PPFIA2: variants seen among roughly 807,000 people sequenced by gnomAD.
PPFIA2 encodes the protein PPFI scaffold protein A2, also known as liprin-alpha-2.
In PPFIA2, 46 loss-of-function variants were observed where a neutral mutation model predicts 175.5. The ratio of observed to expected loss-of-function variants is 0.26; its 90% CI spans 0.21 to 0.34. The LOEUF is 0.34. Among genes scored for constraint, PPFIA2 ranks in the 10% least tolerant of loss-of-function variants. The probability of loss-of-function intolerance (pLI) is 1.00; values close to 1 mark genes in which losing one functional copy is unlikely to be tolerated. For missense variants in PPFIA2, 1,179 were observed against 1,506.1 expected (o/e 0.78, Z 3.60); for synonymous variants, 568 against 511.4 (o/e 1.11, Z -1.49).
chr12:81,758,675 T>C (rs376994398), intron 1 of PPFIA2, 168 bp from the exon 2 acceptor site: 22 of 330,690 alleles, frequency 6.7e-5, no homozygotes, highest in Non-Finnish European at 1.0e-4. Context: ...AAATTTTGCT[T>C]TGGGAAGCAA....
chr12:81,409,430 G>A (rs1335857021), intron 7 of PPFIA2, among the ~76,000 whole-genome samples: 2 of 152,102 alleles, frequency 1.3e-5, no homozygotes, highest in African/African-American at 4.8e-5. Flanking sequence ...AATGGATTAA[G>A]GCTGTTATCT....
intron 4 of PPFIA2, among the ~76,000 whole-genome samples, chr12:81,458,622 G>A (rs998312048): frequency 6.6e-6 from 1 of 152,032 alleles, no homozygotes; most frequent in African/African-American, 2.4e-5. Context: ...ACACTGTGAA[G>A]GAATCTTCAT....
chr12:81,408,129 A>T lies in PPFIA2; in HGVS notation c.646-2226T>A, dbSNP rs1042695078. On this transcript the variant is annotated intron_variant, in intron 7 of 32. Transcript: ENST00000549396. Reference sequence around the variant, plus strand: ...GATAAAGATTTGGAGTGTAAAAAAAACTTCAGAAACATTCTTTTCACATTA... The same window carrying T: ...GATAAAGATTTGGAGTGTAAAAAAATCTTCAGAAACATTCTTTTCACATTA... Among the ~76,000 whole-genome samples the T allele has an allele frequency of 1.1e-4, 17 of 152,172 alleles. No homozygotes were observed. In the South Asian group the frequency reaches 1.9e-3, roughly 17 times the overall value.
At chr12:81,320,288 T>C (rs368074390) in intron 22 of PPFIA2, among the ~76,000 whole-genome samples, 3 of 152,118 alleles carry the variant, frequency 2.0e-5, no homozygotes, top group South Asian at 2.1e-4. Context: ...AGTAAATCTA[T>C]AGAGCTTAAC....
At chr12:81,350,931 A>G (rs1433209551) in intron 17 of PPFIA2, among the ~76,000 whole-genome samples, 3 of 152,186 alleles carry the variant, frequency 2.0e-5, no homozygotes, top group Non-Finnish European at 4.4e-5. Flanking sequence ...AAAAGACTTA[A>G]AACCTGTTCA....
intron 4 of PPFIA2, among the ~76,000 whole-genome samples, chr12:81,664,957 T>C: frequency 6.6e-6 from 1 of 151,604 alleles, no homozygotes; most frequent in African/African-American, 2.4e-5. Flanking sequence ...AAACACCACA[T>C]GTTCTCACTC....
chr12:81,288,189 TG>T (rs1206747050), intron 24 of PPFIA2, among the ~76,000 whole-genome samples: 3 of 151,834 alleles, frequency 2.0e-5, no homozygotes, highest in Non-Finnish European at 4.4e-5. Context: ...GGACTAAAAG[TG>T]CATGCTCCAG....
chr12:81,721,714 C>T (rs996742061), intron 3 of PPFIA2, among the ~76,000 whole-genome samples: 1 of 151,204 alleles, frequency 6.6e-6, no homozygotes, highest in African/African-American at 2.4e-5. Context: ...AGCAACTCAA[C>T]CTTTTTTGTC....
At chr12:81,581,915 T>C (rs2074474496) in intron 4 of PPFIA2, among the ~76,000 whole-genome samples, 1 of 151,886 alleles carries the variant, frequency 6.6e-6, no homozygotes. Context: ...TATTTTCTCT[T>C]CAACCTTGAG....
At chr12:81,618,267 G>GTA (rs1455836634) in intron 4 of PPFIA2, among the ~76,000 whole-genome samples, 3 of 151,782 alleles carry the variant, frequency 2.0e-5, no homozygotes, top group African/African-American at 4.8e-5. Context: ...GTGTGTGTGT[G>GTA]TGTGTGTGTG....
At chr12:81,521,011 A>C (rs2063055471) in intron 4 of PPFIA2, among the ~76,000 whole-genome samples, 2 of 152,330 alleles carry the variant, frequency 1.3e-5, no homozygotes, top group South Asian at 4.1e-4. Context: ...ATAATAGCAG[A>C]AATGTCTATT....
intron 7 of PPFIA2, among the ~76,000 whole-genome samples, chr12:81,425,698 G>A (rs949529462): frequency 1.3e-5 from 2 of 151,988 alleles, no homozygotes; most frequent in African/African-American, 4.8e-5. Flanking sequence ...TAATTGTTTT[G>A]TAATTTTCTT....
chr12:81,588,587 C>T lies in PPFIA2; in HGVS notation c.303+88204G>A, dbSNP rs552803261. Among the ~76,000 whole-genome samples, 56 of 152,184 alleles carry T rather than the reference C, an allele frequency of 3.7e-4. No homozygotes were observed. In the South Asian group the frequency reaches 5.0e-3, roughly 14 times the overall value. On this transcript the variant is annotated intron_variant, in intron 4 of 32. Transcript: ENST00000549396. ...TGAACTTAATATATTGTTTTCCAAA[C>T]GGCTCCTTCTCCATATTCATCTCTC...
At chr12:81,574,016 T>C (rs950608739) in intron 4 of PPFIA2, among the ~76,000 whole-genome samples, 1 of 151,934 alleles carries the variant, frequency 6.6e-6, no homozygotes, top group African/African-American at 2.4e-5. Context: ...TGTCCAGATC[T>C]GAGATCATAA....
chr12:81,480,630 CTTTGTA>C (rs2058096975), intron 4 of PPFIA2, among the ~76,000 whole-genome samples: 1 of 152,120 alleles, frequency 6.6e-6, no homozygotes, highest in Admixed American at 6.6e-5. Context: ...GATGCTCTTC[CTTTGTA>C]TTTGTTAGTT....
At chr12:81,610,253 G>T (rs1007138717) in intron 4 of PPFIA2, among the ~76,000 whole-genome samples, 2 of 152,060 alleles carry the variant, frequency 1.3e-5, no homozygotes, top group African/African-American at 4.8e-5. Context: ...TCTAGCTGGG[G>T]TTATCTGTAT....
intron 18 of PPFIA2, 88 bp from the exon 19 acceptor site, chr12:81,344,781 C>T (rs1381295684): frequency 1.1e-5 from 10 of 883,496 alleles, no homozygotes; most frequent in Non-Finnish European, 1.7e-5. Flanking sequence ...ATAGTGTCTA[C>T]AACTTGACTA....
At chr12:81,560,243 T>C (rs1342744245) in intron 4 of PPFIA2, among the ~76,000 whole-genome samples, 1 of 151,608 alleles carries the variant, frequency 6.6e-6, no homozygotes, top group African/African-American at 2.4e-5. Context: ...GGGGGGTATG[T>C]GTGTGTGTGT....
At chr12:81,573,728 G>A (rs1279254115) in intron 4 of PPFIA2, among the ~76,000 whole-genome samples, 1 of 151,794 alleles carries the variant, frequency 6.6e-6, no homozygotes, top group African/African-American at 2.4e-5. Flanking sequence ...ACTGATGCCA[G>A]GGGCTTCAAA....
Sources: allele counts gnomAD v4.1 joint callset (sites outside exome capture counted in the v4.1 genomes callset), GRCh38; gene constraint gnomAD v4.1.1; transcripts MANE v1.5; gene names NCBI Gene and HGNC (gene_info 2026-07-23, HGNC 2026-07-21).